Variants in NOL4L observed in about 807,000 individuals in gnomAD.
NOL4L encodes the protein nucleolar protein 4 like, also known as nucleolar protein 4-like.
In NOL4L, 7 loss-of-function variants were observed where a neutral mutation model predicts 64.5. The ratio of observed to expected loss-of-function variants is 0.11; its 90% CI spans 0.06 to 0.20. The LOEUF (loss-of-function observed/expected upper bound fraction) is 0.20. Among genes scored for constraint, NOL4L ranks in the 10% least tolerant of loss-of-function variants. The pLI is 1.00. For synonymous variants in NOL4L, 413 were observed against 401.0 expected, an observed-to-expected ratio of 1.03 and a Z score of -0.36; for missense variants, 680 against 967.1, an observed-to-expected ratio of 0.70 and a Z score of 3.94.
intron 3 of NOL4L, among the ~76,000 whole-genome samples, chr20:32,518,294 G>A (rs2017763989): frequency 6.6e-6 from 1 of 152,262 alleles, no homozygotes; most frequent in Admixed American, 6.5e-5. Context: ...CTTCAGCGCT[G>A]GTTTATATTC....
At chr20:32,582,884 T>C (rs1181361760) in intron 1 of NOL4L, among the ~76,000 whole-genome samples, 3 of 151,608 alleles carry the variant, frequency 2.0e-5, no homozygotes, top group Non-Finnish European at 4.4e-5. Context: ...GGCTGACCCA[T>C]ACTCCCCATC....
chr20:32,467,338 C>T (rs2014641391), intron 5 of NOL4L, among the ~76,000 whole-genome samples: 1 of 149,716 alleles, frequency 6.7e-6, no homozygotes, highest in African/African-American at 2.4e-5. Flanking sequence ...CAGGGCCTGG[C>T]ACATGTGGGT....
intron 2 of NOL4L, among the ~76,000 whole-genome samples, chr20:32,524,393 T>A (rs1275410332): frequency 6.6e-6 from 1 of 152,208 alleles, no homozygotes; most frequent in South Asian, 2.1e-4. Context: ...TTCAGAAAGC[T>A]CATTGCCTGC....
chr20:32,492,117 C>A (rs1466295700), intron 4 of NOL4L, among the ~76,000 whole-genome samples: 1 of 152,156 alleles, frequency 6.6e-6, no homozygotes, highest in Non-Finnish European at 1.5e-5. Flanking sequence ...TCTCGAAAGA[C>A]AGAAAGAAGA....
At chr20:32,545,607 C>T (rs1600862637) in intron 1 of NOL4L, among the ~76,000 whole-genome samples, 1 of 152,220 alleles carries the variant, frequency 6.6e-6, no homozygotes. Flanking sequence ...CCTCCCCCAG[C>T]AGGCTTCTCC....
intron 1 of NOL4L, among the ~76,000 whole-genome samples, chr20:32,553,206 CA>C (rs1978422701): frequency 6.6e-6 from 1 of 152,152 alleles, no homozygotes; most frequent in Non-Finnish European, 1.5e-5. Flanking sequence ...TGGTCCAGGC[CA>C]CCAGCCTTTC....
chr20:32,529,710 A>T (rs2018273267), intron 1 of NOL4L, among the ~76,000 whole-genome samples: 1 of 152,144 alleles, frequency 6.6e-6, no homozygotes, highest in South Asian at 2.1e-4. Flanking sequence ...TAACCCTGGG[A>T]GGTGACCTCA....
At chr20:32,544,061 C>T (rs1283887141) in intron 1 of NOL4L, among the ~76,000 whole-genome samples, 4 of 151,958 alleles carry the variant, frequency 2.6e-5, no homozygotes, top group Non-Finnish European at 4.4e-5. Context: ...GATGGGGTGG[C>T]GGCTGTATTC....
At chr20:32,538,773 G>A (rs982375745) in intron 1 of NOL4L, among the ~76,000 whole-genome samples, 1 of 152,188 alleles carries the variant, frequency 6.6e-6, no homozygotes, top group Admixed American at 6.5e-5. Flanking sequence ...AGCGGCAGGC[G>A]GGTGCCGTCA....
intron 1 of NOL4L, among the ~76,000 whole-genome samples, chr20:32,555,884 A>G (rs1358137817): frequency 6.6e-6 from 1 of 151,962 alleles, no homozygotes. Context: ...GCCCCAGCAG[A>G]CTCATTAGGT....
intron 4 of NOL4L, among the ~76,000 whole-genome samples, chr20:32,477,387 G>C (rs935681315): frequency 6.6e-6 from 1 of 152,234 alleles, no homozygotes; most frequent in South Asian, 2.1e-4. Flanking sequence ...TCCTAACTGA[G>C]TTGGCCCTCG....
At chr20:32,524,644 C>T (rs949569177) in intron 2 of NOL4L, among the ~76,000 whole-genome samples, 1 of 152,168 alleles carries the variant, frequency 6.6e-6, no homozygotes, top group African/African-American at 2.4e-5. Flanking sequence ...CAGCCAGGAG[C>T]TTGATGCGTA....
chr20:32,456,027 T>C (rs1013439710), intron 6 of NOL4L, 91 bp downstream of exon 6: 6 of 1,348,150 alleles, frequency 4.5e-6, no homozygotes, highest in African/African-American at 1.5e-5. Flanking sequence ...ATGGGCTGGC[T>C]CCAGCTAAGC....
At chr20:32,478,544 A>G (rs2015541567) in intron 4 of NOL4L, among the ~76,000 whole-genome samples, 1 of 152,150 alleles carries the variant, frequency 6.6e-6, no homozygotes, top group South Asian at 2.1e-4. Context: ...CACAGCCTCC[A>G]GGGTTCTGCC....
In NOL4L at chr20:32,456,184, G is replaced by A. The variant is rs2013492842; in HGVS notation, c.1053C>T (p.Pro351=). 6.2e-7 allele frequency: 1 copy of A among 1,600,114 alleles called. No homozygotes were observed. The change falls in exon 6 of 11, where the codon CCC becomes CCT. Residue 351 remains proline, a synonymous_variant. Transcript: ENST00000621426. ...PATALGTASY[P]SDGCGADGLR... ...GCCCGTCGGCACCGCAGCCATCCGA[G>A]GGGTAGGAGGCTGTGCCAAGTGCCG...
At chr20:32,564,452 A>G (rs977997771) in intron 1 of NOL4L, among the ~76,000 whole-genome samples, 1 of 152,240 alleles carries the variant, frequency 6.6e-6, no homozygotes, top group East Asian at 1.9e-4. Context: ...TAGGACATGA[A>G]GGAGCCAGGA....
In NOL4L at chr20:32,532,635, C is replaced by CT. The variant is rs1240340568; in HGVS notation, c.322-4723dup. Among the ~76,000 whole-genome samples the CT allele has an allele frequency of 2.6e-5, 4 of 152,336 alleles. No homozygotes were observed. The East Asian group carries it at 7.7e-4, about 29-fold the overall frequency. On this transcript the variant is annotated intron_variant, in intron 1 of 10. Coordinates refer to ENST00000621426, the MANE Select transcript of NOL4L (RefSeq NM_001256798.2). The stretch of plus-strand genomic sequence containing the variant: ...GACTTGGGAAGCCCCTGCCATCCCC[C>CT]TTCTGCCTGGTACCCAAATTAGCTT...
chr20:32,458,203 A>G (rs2013733604), intron 5 of NOL4L, among the ~76,000 whole-genome samples: 2 of 152,168 alleles, frequency 1.3e-5, no homozygotes, highest in South Asian at 4.1e-4. Flanking sequence ...TCCGGCCCAC[A>G]GCCACTGGCA....
intron 3 of NOL4L, 71 bp from the exon 4 acceptor site, chr20:32,511,527 A>G: frequency 9.0e-7 from 1 of 1,110,714 alleles, no homozygotes; most frequent in Non-Finnish European, 1.3e-6. Context: ...GGAGCATTTA[A>G]CAGAGCCCGT....
Sources: gnomAD v4.1 joint callset for allele counts (sites outside exome capture counted in the v4.1 genomes callset) on GRCh38, gnomAD v4.1.1 for gene constraint, MANE v1.5 for transcripts, NCBI Gene and HGNC (gene_info 2026-07-23, HGNC 2026-07-21) for gene names.